PTRH2: variants seen among roughly 807,000 people sequenced by gnomAD.
The protein encoded by PTRH2 is peptidyl-tRNA hydrolase 2, mitochondrial.
Under a neutral mutation model 12.3 loss-of-function variants are expected in PTRH2, and 10 were observed. That is an observed-to-expected ratio of 0.81 (90% confidence interval 0.50 to 1.38). The LOEUF is 1.38. Among genes scored for constraint, PTRH2 ranks in the 40% most tolerant of loss-of-function variants. PTRH2 has a pLI of 0.00. For synonymous variants in PTRH2, 73 were observed against 77.4 expected (o/e 0.94, Z 0.30); for missense variants, 176 against 214.1 (o/e 0.82, Z 1.11).
chr17:59,699,003 G>T, intron 1 of PTRH2: 1 of 658,284 alleles, frequency 1.5e-6, no homozygotes. Context: ...TCGAGAATAG[G>T]TGGTAGAAGG....
At chr17:59,705,578 C>G (rs2033626684) in intron 1 of PTRH2, among the ~76,000 whole-genome samples, 1 of 152,102 alleles carries the variant, frequency 6.6e-6, no homozygotes, top group African/African-American at 2.4e-5. Context: ...TGCCACCACA[C>G]CCTCCTGATT....
intron 1 of PTRH2, 172 bp from the exon 2 acceptor site, chr17:59,698,150 A>G: frequency 1.6e-6 from 1 of 632,828 alleles, no homozygotes; most frequent in Non-Finnish European, 2.7e-6. Flanking sequence ...GCCCACCACC[A>G]GTGTACTAGA....
chr17:59,701,728 T>C (rs1032467890), intron 1 of PTRH2, among the ~76,000 whole-genome samples: 19 of 152,276 alleles, frequency 1.2e-4, no homozygotes, highest in Middle Eastern at 6.8e-3. Context: ...CTATTTGAGA[T>C]GGAGTCTCGC....
At chr17:59,707,275 G>A (rs921238729) in intron 1 of PTRH2, 96 bp downstream of exon 1, 2 of 152,772 alleles carry the variant, frequency 1.3e-5, no homozygotes, top group East Asian at 1.9e-4. Flanking sequence ...TGAAGAAGGT[G>A]GGTAATGCAA....
At chr17:59,706,563 TCCCTGTATAACATATTC>T (rs2033668405) in intron 1 of PTRH2, among the ~76,000 whole-genome samples, 2 of 152,046 alleles carry the variant, frequency 1.3e-5, no homozygotes, top group Non-Finnish European at 2.9e-5. Context: ...TGCCCCACTT[TCCCTGTATAACATATTC>T]CCAGAGTCTA....
At chr17:59,701,922 T>C (rs2033561536) in intron 1 of PTRH2, among the ~76,000 whole-genome samples, 1 of 150,520 alleles carries the variant, frequency 6.6e-6, no homozygotes, top group African/African-American at 2.5e-5. Flanking sequence ...GCCAGGATGG[T>C]CTCAATCTCC....
intron 1 of PTRH2, chr17:59,700,114 TG>T (rs1159953298): frequency 2.0e-5 from 3 of 152,250 alleles, no homozygotes; most frequent in Non-Finnish European, 4.4e-5. Flanking sequence ...ACTGAATGGG[TG>T]TCTCTTTCAC....
intron 1 of PTRH2, chr17:59,700,366 AG>A (rs771777130): frequency 2.6e-5 from 4 of 152,206 alleles, no homozygotes; most frequent in Non-Finnish European, 5.9e-5. Flanking sequence ...TTTCTAGTGG[AG>A]TATTATCTAA....
intron 1 of PTRH2, chr17:59,699,152 C>T (rs202122960): frequency 4.8e-3 from 19 of 3,954 alleles, no homozygotes; most frequent in Non-Finnish European, 4.4e-3. Flanking sequence ...CCTGTATCTG[C>T]GCCTGTCAAC....
chr17:59,698,856 T>G (rs2033502084), intron 1 of PTRH2: 1 of 715,952 alleles, frequency 1.4e-6, no homozygotes, highest in Non-Finnish European at 2.6e-6. Flanking sequence ...AAACAATGGT[T>G]GTATGGGTAC....
chr17:59,699,979 C>T (rs574680242), intron 1 of PTRH2: 1 of 152,380 alleles, frequency 6.6e-6, no homozygotes, highest in East Asian at 1.9e-4. Flanking sequence ...TGTTGATTCC[C>T]GTGATCACAT....
In PTRH2 at chr17:59,697,363, A is replaced by G. The variant is rs2033455470; in HGVS notation, c.*76T>C. ...AAGAACATTTAAGTTGGGTGAAGAAATTCAGCTTTTGTTGTTAGAATCTGA... is the reference window on the plus strand; with the variant it reads ...AAGAACATTTAAGTTGGGTGAAGAAGTTCAGCTTTTGTTGTTAGAATCTGA... On this transcript the variant is annotated 3_prime_UTR_variant, in exon 2 of 2. Transcript: ENST00000393038. 10 of 1,454,890 alleles carry G rather than the reference A, an allele frequency of 6.9e-6. No homozygotes were observed. Among genetic ancestry groups the G allele is most frequent in the East Asian group, 6.9e-5 (3 of 43,786 alleles). The allele number at this position is 1,454,890 out of a possible 1,614,324, so 90.1% of individuals were successfully genotyped here. A position where few individuals can be genotyped will look rare whatever the true frequency, so the allele number is the denominator to read the frequency against.
intron 1 of PTRH2, chr17:59,699,547 T>G (rs1253651517): frequency 6.5e-6 from 1 of 152,922 alleles, no homozygotes; most frequent in Non-Finnish European, 1.5e-5. Context: ...TTAAAAAGAC[T>G]TCTTGCCTTA....
At chr17:59,699,273 G>T in intron 1 of PTRH2, 1 of 182,012 alleles carries the variant, frequency 5.5e-6, no homozygotes, top group South Asian at 1.2e-4. Context: ...AGGTGCCGTG[G>T]GTGTAACTTC....
At chr17:59,699,497 T>C (rs1403344805) in intron 1 of PTRH2, 1 of 153,490 alleles carries the variant, frequency 6.5e-6, no homozygotes, top group African/African-American at 2.4e-5. Context: ...CTTTAAACAT[T>C]TGTGTATATG....
At chr17:59,704,670 C>T (rs1047297373) in intron 1 of PTRH2, among the ~76,000 whole-genome samples, 2 of 152,154 alleles carry the variant, frequency 1.3e-5, no homozygotes, top group Non-Finnish European at 2.9e-5. Context: ...CTGTAGTGCA[C>T]CTAGTTTCAG....
chr17:59,698,009 C>T (rs1401950860), intron 1 of PTRH2, 31 bp from the exon 2 acceptor site: 1 of 1,587,362 alleles, frequency 6.3e-7, no homozygotes, highest in Non-Finnish European at 8.6e-7. Flanking sequence ...TTATCACTAT[C>T]CGGCAGTAAC....
At chr17:59,702,277 G>A (rs2033567132) in intron 1 of PTRH2, among the ~76,000 whole-genome samples, 1 of 152,134 alleles carries the variant, frequency 6.6e-6, no homozygotes, top group Admixed American at 6.5e-5. Context: ...GTTATAAAAA[G>A]GTGTTTGACA....
In PTRH2 at chr17:59,697,854, T is replaced by G; in HGVS notation, c.125A>C (p.Lys42Thr). ...TGTGTGTGTCTTGCTCGTCTTGCTTTTGGGGAGCATCCCAAAGCATACTCG... is the reference window on the plus strand; with the variant it reads ...TGTGTGTGTCTTGCTCGTCTTGCTTGTGGGGAGCATCCCAAAGCATACTCG... ...SLRVCFGMLP[K>T]SKTSKTHTDT... Residue 42 changes from lysine (K) to threonine (T), a missense_variant, in exon 2 of 2, where the codon AAA becomes ACA. Coordinates refer to ENST00000393038, the MANE Select transcript of PTRH2 (RefSeq NM_016077.5). The G allele has an allele frequency of 6.2e-7, 1 of 1,614,180 alleles. No homozygotes were observed. Among genetic ancestry groups the G allele is most frequent in the Non-Finnish European group, 8.5e-7 (1 of 1,180,040 alleles).
Sources: allele counts gnomAD v4.1 joint callset (sites outside exome capture counted in the v4.1 genomes callset), GRCh38; gene constraint gnomAD v4.1.1; transcripts MANE v1.5; gene names NCBI Gene and HGNC (gene_info 2026-07-23, HGNC 2026-07-21).